Variants in DOP1A observed in about 807,000 individuals in gnomAD.
DOP1A encodes DOP1 leucine zipper like protein A.
In DOP1A, 90 loss-of-function variants were observed where a neutral mutation model predicts 267.6. The ratio of observed to expected loss-of-function variants is 0.34; its 90% CI spans 0.28 to 0.40. The LOEUF (loss-of-function observed/expected upper bound fraction) is 0.40, where lower values mean the gene tolerates loss of function less well. DOP1A is among the 10% of genes least tolerant of loss of function. The probability of loss-of-function intolerance (pLI) is 1.00; values close to 1 mark genes in which losing one functional copy is unlikely to be tolerated. For missense variants in DOP1A, 2,437 were observed against 2,900.4 expected, an observed-to-expected ratio of 0.84 and a Z score of 3.67; for synonymous variants, 932 against 999.1, an observed-to-expected ratio of 0.93 and a Z score of 1.27.
rs746614916 is a variant in DOP1A, at chr6:83,168,129, G to A, written c.7360G>A (p.Val2454Ile). 1.2e-6 allele frequency: 2 copies of A among 1,613,092 alleles called. No individual in the cohort carries two copies. The highest frequency in any genetic ancestry group is 1.1e-5 in the South Asian group (1 of 90,878). Reference protein sequence around the residue: ...SKARQKIEEMVEKDFLEGMIK... With the variant: ...SKARQKIEEMIEKDFLEGMIK... ...AGCCAGGCAAAAAATAGAAGAGATG[G>A]TAGAAAAAGATTTTCTGGAAGGGAT... The change falls in exon 39 of 39, where the codon GTA becomes ATA. Residue 2454 changes from valine (V) to isoleucine (I), a missense_variant. By Grantham distance (29) the Val-to-Ile change is conservative (BLOSUM62 3). Coordinates refer to ENST00000349129, the MANE Select transcript of DOP1A (RefSeq NM_015018.4).
chr6:83,092,190 A>C (rs546515816), intron 1 of DOP1A, among the ~76,000 whole-genome samples: 1 of 152,112 alleles, frequency 6.6e-6, no homozygotes, highest in South Asian at 2.1e-4. Context: ...AGTATTTAAA[A>C]GTTTTAGAAA....
chr6:83,100,575 A>G (rs1247805183), intron 3 of DOP1A, 130 bp from the exon 4 acceptor site: 1 of 522,374 alleles, frequency 1.9e-6, no homozygotes, highest in African/African-American at 2.0e-5. Flanking sequence ...TATGGTATAT[A>G]TAGGCAAATG....
intron 1 of DOP1A, among the ~76,000 whole-genome samples, chr6:83,068,660 C>T (rs572099407): frequency 6.6e-6 from 1 of 152,162 alleles, no homozygotes; most frequent in Non-Finnish European, 1.5e-5. Context: ...TGTTGTTGGC[C>T]ATTGTCTATG....
At position 83,097,028 on chromosome 6, in the gene DOP1A, T is replaced by C. The variant is rs756938801; in HGVS notation, c.51T>C (p.Tyr17=). The part of the protein sequence containing the change: ...ELLSDSKYRN[Y]VAAIDKALKN... The stretch of plus-strand genomic sequence containing the variant: ...TGAGTGACTCCAAATACAGAAACTA[T>C]GTAGCAGCAATTGACAAAGCACTAA... The change falls in exon 3 of 39, where the codon TAT becomes TAC. Residue 17 remains tyrosine, a synonymous_variant. Coordinates refer to ENST00000349129, the MANE Select transcript of DOP1A (RefSeq NM_015018.4). 1.8e-5 allele frequency: 29 copies of C among 1,614,124 alleles called. No homozygotes were observed. Among genetic ancestry groups the C allele is most frequent in the Admixed American group, 8.3e-5 (5 of 60,022 alleles).
intron 4 of DOP1A, among the ~76,000 whole-genome samples, chr6:83,101,309 C>A (rs550319028): frequency 3.9e-4 from 60 of 152,334 alleles, no homozygotes; most frequent in African/African-American, 1.3e-3. Flanking sequence ...AGCCACCGCG[C>A]CTGGCCTCAG....
chr6:83,092,731 T>C (rs541450754), intron 1 of DOP1A, among the ~76,000 whole-genome samples: 2 of 152,224 alleles, frequency 1.3e-5, no homozygotes, highest in Admixed American at 6.5e-5. Flanking sequence ...TTTACAGCTA[T>C]TATTAAGTAA....
intron 29 of DOP1A, 113 bp downstream of exon 29, chr6:83,152,140 A>C: frequency 7.9e-7 from 1 of 1,257,888 alleles, no homozygotes; most frequent in South Asian, 1.5e-5. Flanking sequence ...CTCATGTCTA[A>C]CAAGTAACTT....
Position 83,125,712 on chromosome 6 carries a change from C to A in DOP1A, c.1698C>A (p.Val566=). The A allele has an allele frequency of 6.2e-7, 1 of 1,609,968 alleles. No individual in the cohort carries two copies. The highest frequency in any genetic ancestry group is 1.1e-5 in the South Asian group (1 of 90,984). Residue 566 remains valine, a synonymous_variant, in exon 15 of 39, where the codon GTC becomes GTA. Transcript: ENST00000349129. ...TTCCAAGTGGGCAGAACAATTCAGT[C>A]AAAGAGTGGGAAGACAAAAAGGTAA... is the stretch of plus-strand genomic sequence containing the variant. ...LQFPSGQNNS[V]KEWEDKKVSS...
chr6:83,079,136 T>C (rs1287548051), intron 1 of DOP1A, among the ~76,000 whole-genome samples: 1 of 152,244 alleles, frequency 6.6e-6, no homozygotes, highest in East Asian at 1.9e-4. Context: ...TTTTGGAAAC[T>C]GATGTGCACA....
At chr6:83,109,152 T>C in intron 5 of DOP1A, 72 bp downstream of exon 5, 3 of 1,351,368 alleles carry the variant, frequency 2.2e-6, no homozygotes, top group Non-Finnish European at 3.1e-6. Flanking sequence ...AGGTCAAATA[T>C]GTTTTAACAT....
At chr6:83,149,357 T>C (rs117252337) in intron 27 of DOP1A, among the ~76,000 whole-genome samples, 225 of 152,332 alleles carry the variant, frequency 1.5e-3, no homozygotes, top group African/African-American at 5.2e-3. Flanking sequence ...AGTCTCTCTT[T>C]CTTGCTTGCC....
intron 1 of DOP1A, among the ~76,000 whole-genome samples, chr6:83,079,798 A>G (rs1032579728): frequency 8.5e-5 from 13 of 152,298 alleles, no homozygotes; most frequent in Admixed American, 5.2e-4. Context: ...TGATAGCTAC[A>G]AATAAAGATA....
At chr6:83,113,481 G>A (rs890935878) in intron 7 of DOP1A, 60 bp downstream of exon 7, 2 of 1,369,170 alleles carry the variant, frequency 1.5e-6, no homozygotes, top group Admixed American at 1.7e-5. Flanking sequence ...GATTGATAAT[G>A]TGTAGTTATT....
Position 83,138,285 on chromosome 6 carries a change from C to T in DOP1A, c.4243C>T (p.Gln1415Ter). Residue 1415 changes from glutamine (Q) to a stop codon, truncating the protein, a stop_gained, in exon 21 of 39, where the codon CAG becomes TAG. Coordinates refer to ENST00000349129, the MANE Select transcript of DOP1A (RefSeq NM_015018.4). LOFTEE classifies it high-confidence loss of function. ...TTSVNNAYTPQLSLLQNLLAR... is the reference protein window; with the variant it reads ...TTSVNNAYTP ...TAGTGTAAATAATGCATATACTCCT[C>T]AGTTGTCTCTCCTTCAGAATCTATT... The T allele has an allele frequency of 6.2e-7, 1 of 1,612,958 alleles. No homozygotes were observed. Among genetic ancestry groups the T allele is most frequent in the Non-Finnish European group, 8.5e-7 (1 of 1,179,950 alleles).
chr6:83,162,679 T>A (rs1784503285), intron 37 of DOP1A, 111 bp from the exon 38 acceptor site: 21 of 1,266,986 alleles, frequency 1.7e-5, no homozygotes, highest in Non-Finnish European at 2.2e-5. Flanking sequence ...CATCTGGCAT[T>A]TGAATTTTTA....
chr6:83,163,497 A>C (rs1784723486), intron 38 of DOP1A, among the ~76,000 whole-genome samples: 1 of 152,214 alleles, frequency 6.6e-6, no homozygotes, highest in Non-Finnish European at 1.5e-5. Flanking sequence ...AGAATAAAGG[A>C]AATAATCATT....
chr6:83,151,065 T>C (rs1048469548), intron 27 of DOP1A, among the ~76,000 whole-genome samples: 7 of 152,252 alleles, frequency 4.6e-5, no homozygotes, highest in Non-Finnish European at 8.8e-5. Flanking sequence ...TTGTGTCGGC[T>C]TCTTTTGTTC....
chr6:83,108,724 G>A (rs1287372423), intron 4 of DOP1A, among the ~76,000 whole-genome samples, 186 bp from the exon 5 acceptor site: 2 of 152,156 alleles, frequency 1.3e-5, no homozygotes, highest in East Asian at 1.9e-4. Context: ...GGGTTTATAA[G>A]TATAAAACCC....
At chr6:83,115,240 A>C (rs1172205669) in intron 7 of DOP1A, among the ~76,000 whole-genome samples, 1 of 152,164 alleles carries the variant, frequency 6.6e-6, no homozygotes, top group African/African-American at 2.4e-5. Flanking sequence ...TGTAATCAAG[A>C]AGCAACTTCT....
Sources: gnomAD v4.1 joint callset for allele counts (sites outside exome capture counted in the v4.1 genomes callset) on GRCh38, gnomAD v4.1.1 for gene constraint, MANE v1.5 for transcripts, NCBI Gene and HGNC (gene_info 2026-07-23, HGNC 2026-07-21) for gene names.